Variants in SMYD3 observed in about 807,000 individuals in gnomAD.
SMYD3 encodes histone-lysine N-methyltransferase SMYD3.
A neutral mutation model predicts 57.7 loss-of-function variants in SMYD3; 36 were observed. That is an observed-to-expected ratio of 0.62 (90% CI 0.48 to 0.82). The LOEUF (loss-of-function observed/expected upper bound fraction) is 0.82. Ranked by LOEUF, SMYD3 falls within the 40% of genes least tolerant of loss-of-function variation. SMYD3 has a pLI of 0.00. For missense variants in SMYD3, 515 were observed against 538.8 expected (o/e 0.96, Z 0.44); for synonymous variants, 211 against 195.0 (o/e 1.08, Z -0.68).
intron 5 of SMYD3, among the ~76,000 whole-genome samples, chr1:246,173,818 T>C (rs2062386089): frequency 6.6e-6 from 1 of 152,104 alleles, no homozygotes; most frequent in Admixed American, 6.6e-5. Flanking sequence ...TAATGCTTTT[T>C]TTTTCTGAGA....
At chr1:246,083,704 G>A (rs552591701) in intron 5 of SMYD3, among the ~76,000 whole-genome samples, 1 of 152,242 alleles carries the variant, frequency 6.6e-6, no homozygotes, top group South Asian at 2.1e-4. Flanking sequence ...CAGAATAAAA[G>A]TTCCTAAACA....
intron 5 of SMYD3, among the ~76,000 whole-genome samples, chr1:246,063,647 C>G (rs1040670485): frequency 3.0e-4 from 42 of 139,678 alleles, no homozygotes; most frequent in African/African-American, 9.7e-4. Context: ...CCCTCCCTTT[C>G]TCTCTCTCTC....
chr1:245,961,396 G>A (rs2058003978), intron 5 of SMYD3, among the ~76,000 whole-genome samples: 1 of 152,092 alleles, frequency 6.6e-6, no homozygotes, highest in South Asian at 2.1e-4. Context: ...TCAGCACTTT[G>A]AATCTAAATT....
chr1:246,329,510 T>C (rs1044044061), intron 4 of SMYD3, among the ~76,000 whole-genome samples: 3 of 152,212 alleles, frequency 2.0e-5, no homozygotes, highest in African/African-American at 4.8e-5. Context: ...TGTCTGTTCA[T>C]GTCCTTCGCC....
At chr1:245,830,218 T>A (rs1029594093) in intron 10 of SMYD3, among the ~76,000 whole-genome samples, 1 of 152,202 alleles carries the variant, frequency 6.6e-6, no homozygotes, top group Non-Finnish European at 1.5e-5. Context: ...AATAAAGACA[T>A]ACCTGAGACT....
At chr1:246,223,242 C>A (rs1276240097) in intron 5 of SMYD3, among the ~76,000 whole-genome samples, 1 of 152,130 alleles carries the variant, frequency 6.6e-6, no homozygotes, top group African/African-American at 2.4e-5. Context: ...CCACTCACAA[C>A]TGATTCAGTG....
At chr1:246,257,795 C>T (rs2063924397) in intron 5 of SMYD3, among the ~76,000 whole-genome samples, 1 of 152,084 alleles carries the variant, frequency 6.6e-6, no homozygotes, top group Non-Finnish European at 1.5e-5. Flanking sequence ...ATCTGTGTCC[C>T]CAAAAACTCT....
intron 5 of SMYD3, among the ~76,000 whole-genome samples, chr1:246,161,162 T>C (rs1042489649): frequency 6.6e-6 from 1 of 152,150 alleles, no homozygotes; most frequent in African/African-American, 2.4e-5. Context: ...CAAATGAACA[T>C]GCAGCCTGCC....
intron 4 of SMYD3, among the ~76,000 whole-genome samples, chr1:246,328,136 G>A (rs538415649): frequency 3.3e-3 from 502 of 152,280 alleles, no homozygotes; most frequent in African/African-American, 0.011. Flanking sequence ...GGCGGTTGCA[G>A]TGAGCCAACA....
chr1:245,820,266 A>G (rs1465134073), intron 10 of SMYD3, among the ~76,000 whole-genome samples: 1 of 151,818 alleles, frequency 6.6e-6, no homozygotes, highest in Non-Finnish European at 1.5e-5. Context: ...AATGTAATCC[A>G]GCATATAAAC....
intron 8 of SMYD3, among the ~76,000 whole-genome samples, chr1:245,895,388 C>A (rs76491000): frequency 6.6e-6 from 1 of 152,122 alleles, no homozygotes; most frequent in Non-Finnish European, 1.5e-5. Flanking sequence ...ACTTTAGAAA[C>A]GGGAAACATT....
chr1:245,988,122 A>G (rs1209886416), intron 5 of SMYD3, among the ~76,000 whole-genome samples: 1 of 113,176 alleles, frequency 8.8e-6, no homozygotes, highest in African/African-American at 3.3e-5. Context: ...ACACACACAC[A>G]CACACACACA....
At chr1:246,251,138 A>G (rs2063791917) in intron 5 of SMYD3, among the ~76,000 whole-genome samples, 1 of 152,200 alleles carries the variant, frequency 6.6e-6, no homozygotes, top group African/African-American at 2.4e-5. Context: ...GACAGACAGA[A>G]CCAACATTGA....
intron 5 of SMYD3, among the ~76,000 whole-genome samples, chr1:246,176,614 C>T (rs2062438463): frequency 6.6e-6 from 1 of 152,146 alleles, no homozygotes; most frequent in African/African-American, 2.4e-5. Flanking sequence ...CCTTGACCTC[C>T]CGGGCTCAGG....
chr1:246,310,141 A>G (rs1485648798), intron 5 of SMYD3, among the ~76,000 whole-genome samples: 1 of 152,224 alleles, frequency 6.6e-6, no homozygotes, highest in Non-Finnish European at 1.5e-5. Context: ...TCATTTTGCT[A>G]TAAAGATAAT....
At chr1:246,102,444 T>C (rs902492741) in intron 5 of SMYD3, among the ~76,000 whole-genome samples, 2 of 152,014 alleles carry the variant, frequency 1.3e-5, no homozygotes, top group African/African-American at 4.8e-5. Context: ...CATTAAAGGG[T>C]AAACCCTTTA....
intron 5 of SMYD3, among the ~76,000 whole-genome samples, chr1:246,323,935 G>A (rs1376817888): frequency 6.6e-6 from 1 of 152,010 alleles, no homozygotes; most frequent in Non-Finnish European, 1.5e-5. Context: ...TATTAAAAAT[G>A]ACAGATATAA....
chr1:246,318,068 A>G (rs2065192997), intron 5 of SMYD3, among the ~76,000 whole-genome samples: 1 of 152,146 alleles, frequency 6.6e-6, no homozygotes, highest in Admixed American at 6.5e-5. Flanking sequence ...ATATATTTAT[A>G]TTATGTATTA....
intron 1 of SMYD3, among the ~76,000 whole-genome samples, chr1:246,496,281 G>A (rs541273619): frequency 3.4e-4 from 52 of 152,042 alleles, no homozygotes; most frequent in Admixed American, 1.4e-3. Context: ...TGATCTGCCC[G>A]TCTCAGCCTC....
Sources: gnomAD v4.1 joint callset for allele counts (sites outside exome capture counted in the v4.1 genomes callset) on GRCh38, gnomAD v4.1.1 for gene constraint, MANE v1.5 for transcripts, NCBI Gene and HGNC (gene_info 2026-07-23, HGNC 2026-07-21) for gene names.